ANO2: variants seen among roughly 807,000 people sequenced by gnomAD.
The protein encoded by ANO2 is anoctamin-2.
ANO2 carries 101 observed loss-of-function variants against 124.2 expected under a neutral mutation model. The observed-to-expected ratio is 0.81, with a 90% CI of 0.69 to 0.96. The LOEUF is 0.96. Among genes scored for constraint, ANO2 ranks in the 40% least tolerant of loss-of-function variants. The pLI is 0.00. For synonymous variants in ANO2, 486 were observed against 482.5 expected, an observed-to-expected ratio of 1.01 and a Z score of -0.09; for missense variants, 1,293 against 1,274.5, an observed-to-expected ratio of 1.01 and a Z score of -0.22.
intron 3 of ANO2, among the ~76,000 whole-genome samples, chr12:5,874,957 T>C (rs1937990786): frequency 6.6e-6 from 1 of 152,206 alleles, no homozygotes; most frequent in Admixed American, 6.5e-5. Flanking sequence ...AGGTGAATTC[T>C]GGTAAAATTT....
At chr12:5,813,994 C>T (rs1019395135) in intron 7 of ANO2, among the ~76,000 whole-genome samples, 1 of 152,204 alleles carries the variant, frequency 6.6e-6, no homozygotes, top group Non-Finnish European at 1.5e-5. Flanking sequence ...GTGTGCCTAT[C>T]TTCCATCTTC....
At chr12:5,876,242 T>C (rs1938093247) in intron 3 of ANO2, among the ~76,000 whole-genome samples, 1 of 152,198 alleles carries the variant, frequency 6.6e-6, no homozygotes, top group Non-Finnish European at 1.5e-5. Flanking sequence ...CATCTTCTTA[T>C]AAGACCGTAT....
intron 6 of ANO2, 38 bp downstream of exon 6, chr12:5,830,397 C>A (rs975850319): frequency 1.2e-6 from 2 of 1,601,444 alleles, no homozygotes; most frequent in Non-Finnish European, 8.5e-7. Flanking sequence ...AGCCCTTTCC[C>A]CATCCTCTTT....
intron 4 of ANO2, among the ~76,000 whole-genome samples, chr12:5,845,498 C>A (rs940573659): frequency 1.4e-5 from 2 of 142,452 alleles, no homozygotes; most frequent in Non-Finnish European, 3.0e-5. Flanking sequence ...ACTCAGGAGG[C>A]GGAGCTTGCA....
At chr12:5,603,805 C>T (rs1014936107) in intron 19 of ANO2, among the ~76,000 whole-genome samples, 1 of 151,900 alleles carries the variant, frequency 6.6e-6, no homozygotes, top group African/African-American at 2.4e-5. Flanking sequence ...ATTAGCAGGG[C>T]ACGGTGGTGG....
chr12:5,839,412 G>A (rs887585862), intron 4 of ANO2, among the ~76,000 whole-genome samples: 12 of 152,170 alleles, frequency 7.9e-5, no homozygotes, highest in Admixed American at 2.0e-4. Context: ...TGGGTAGTGT[G>A]CTCAGATGAC....
chr12:5,576,636 G>A (rs779469781), intron 22 of ANO2, among the ~76,000 whole-genome samples: 1 of 152,176 alleles, frequency 6.6e-6, no homozygotes, highest in African/African-American at 2.4e-5. Context: ...CACAGCATCT[G>A]GCATGTCTAA....
rs147950966 is a variant in ANO2 at position 5,904,664 on chromosome 12, C to T, written c.534+16376G>A. Among the ~76,000 whole-genome samples the T allele has an allele frequency of 6.2e-3, 949 of 152,288 alleles. 15 individuals are homozygous for T. The highest frequency in any genetic ancestry group is 0.022 in the African/African-American group (906 of 41,564). On this transcript the variant is annotated intron_variant, in intron 3 of 24. Transcript: ENST00000682330. The surrounding 1 kb of genome is among the most constrained non-coding windows in gnomAD (Gnocchi z 4.1). ...TGCCACAGCACCCGATGCTCCTTCT[C>T]GATCTTCAAATTTTGCAGTGTCATC...
chr12:5,865,916 A>G (rs1955414541), intron 3 of ANO2, among the ~76,000 whole-genome samples: 1 of 152,232 alleles, frequency 6.6e-6, no homozygotes, highest in Non-Finnish European at 1.5e-5. Context: ...ATTAACGTCC[A>G]AAGGGACAGG....
intron 10 of ANO2, among the ~76,000 whole-genome samples, chr12:5,786,284 T>C (rs1272343280): frequency 6.6e-6 from 1 of 152,092 alleles, no homozygotes; most frequent in African/African-American, 2.4e-5. Context: ...GGCCTACCCT[T>C]CATTTTTAGG....
intron 7 of ANO2, 168 bp downstream of exon 7, chr12:5,827,601 G>A: frequency 1.3e-6 from 1 of 769,344 alleles, no homozygotes; most frequent in Non-Finnish European, 2.2e-6. Context: ...TGGGACCCCC[G>A]CTGCTCCTGG....
At chr12:5,891,059 G>A (rs1032524646) in intron 3 of ANO2, among the ~76,000 whole-genome samples, 3 of 152,142 alleles carry the variant, frequency 2.0e-5, no homozygotes, top group African/African-American at 7.2e-5. Flanking sequence ...CTGATAGACT[G>A]TGTAGAGATC....
At chr12:5,777,216 A>C (rs1401006868) in intron 10 of ANO2, among the ~76,000 whole-genome samples, 3 of 152,208 alleles carry the variant, frequency 2.0e-5, no homozygotes, top group African/African-American at 7.2e-5. Context: ...CACCAGCTTT[A>C]ACCAAGAGTT....
chr12:5,870,621 AAC>A (rs56102480), intron 3 of ANO2, among the ~76,000 whole-genome samples: 9,356 of 152,312 alleles, frequency 0.061, 605 homozygotes, highest in African/African-American at 0.17. Flanking sequence ...AATGAGCTAG[AAC>A]ACAGAGTCAC....
At chr12:5,583,460 T>C (rs1053039317) in intron 20 of ANO2, among the ~76,000 whole-genome samples, 16 of 151,812 alleles carry the variant, frequency 1.1e-4, no homozygotes, top group South Asian at 8.3e-4. Flanking sequence ...GAGACCATCT[T>C]GGCTAACACG....
intron 10 of ANO2, among the ~76,000 whole-genome samples, chr12:5,784,657 G>A (rs1344465911): frequency 6.6e-6 from 1 of 152,094 alleles, no homozygotes; most frequent in African/African-American, 2.4e-5. Context: ...GCCTTTCACT[G>A]AGTTCTCCAC....
chr12:5,604,651 A>G (rs1373542508), intron 19 of ANO2, among the ~76,000 whole-genome samples: 5 of 152,186 alleles, frequency 3.3e-5, no homozygotes, highest in African/African-American at 1.2e-4. Flanking sequence ...CAGTGTGGGT[A>G]GGTCAAAACA....
At chr12:5,610,883 TAAAGAA>T (rs1944509440) in intron 19 of ANO2, among the ~76,000 whole-genome samples, 1 of 148,002 alleles carries the variant, frequency 6.8e-6, no homozygotes, top group Non-Finnish European at 1.5e-5. Context: ...ATTATTTCTA[TAAAGAA>T]AATGATGGCA....
rs562951623 is a variant in ANO2 at position 5,737,782 on chromosome 12, G to A, written c.1434+1535C>T. Reference sequence around the variant, plus strand: ...GATCACCCACATTCAAACTTCTAGAGTTCTTTCTATTGGAAGGACCAGTTT... The same window carrying A: ...GATCACCCACATTCAAACTTCTAGAATTCTTTCTATTGGAAGGACCAGTTT... On this transcript the variant is annotated intron_variant, in intron 13 of 24. Coordinates refer to ENST00000682330, the MANE Select transcript of ANO2 (RefSeq NM_001364791.2). 3.3e-5 allele frequency among the ~76,000 whole-genome samples: 5 copies of A among 152,242 alleles called. No individual in the cohort carries two copies. In the South Asian group the frequency reaches 1.0e-3, roughly 32 times the overall value.
Sources: gnomAD v4.1 joint callset for allele counts (sites outside exome capture counted in the v4.1 genomes callset) on GRCh38, gnomAD v4.1.1 for gene constraint, Gnocchi (gnomAD v3.1) non-coding constraint, MANE v1.5 for transcripts, NCBI Gene and HGNC (gene_info 2026-07-23, HGNC 2026-07-21) for gene names.